Variants in GPC6 observed in about 807,000 individuals in gnomAD.
GPC6 encodes the protein glypican 6.
Under a neutral mutation model 55.2 loss-of-function variants are expected in GPC6, and 14 were observed. The ratio of observed to expected loss-of-function variants is 0.25; its 90% CI spans 0.17 to 0.40. The LOEUF is 0.40. GPC6 is among the 10% of genes least tolerant of loss of function. The pLI is 1.00. For missense variants in GPC6, 641 were observed against 708.5 expected, an observed-to-expected ratio of 0.90 and a Z score of 1.08; for synonymous variants, 278 against 259.6, an observed-to-expected ratio of 1.07 and a Z score of -0.68.
At chr13:93,726,103 TACAC>T (rs71811304) in intron 2 of GPC6, among the ~76,000 whole-genome samples, 33,442 of 126,376 alleles carry the variant, frequency 0.26, 4,045 homozygotes, top group Admixed American at 0.29. Flanking sequence ...TTTTCCTTCA[TACAC>T]ACACACACAC....
At chr13:93,612,500 AACACACACACACACACACAC>A (rs3138575) in intron 2 of GPC6, among the ~76,000 whole-genome samples, 3 of 139,366 alleles carry the variant, frequency 2.2e-5, no homozygotes, top group South Asian at 4.7e-4. Flanking sequence ...CTCCGTCTAA[AACACACACACACACACACAC>A]ACACACACAC....
intron 1 of GPC6, among the ~76,000 whole-genome samples, chr13:93,353,502 G>GT (rs1271338918): frequency 1.3e-5 from 2 of 152,212 alleles, no homozygotes; most frequent in African/African-American, 4.8e-5. Context: ...TGACTCATAT[G>GT]TTTCACCCAT....
intron 2 of GPC6, among the ~76,000 whole-genome samples, chr13:93,627,164 C>G (rs1359976703): frequency 1.3e-5 from 2 of 152,040 alleles, no homozygotes; most frequent in Non-Finnish European, 2.9e-5. Context: ...AGCCCCCACC[C>G]CCCAATAGGC....
intron 6 of GPC6, among the ~76,000 whole-genome samples, chr13:94,315,344 T>C (rs926924211): frequency 2.6e-5 from 4 of 152,236 alleles, no homozygotes; most frequent in African/African-American, 9.6e-5. Flanking sequence ...TTCTTGTATG[T>C]GCCAAGTGTT....
At chr13:94,159,811 G>C (rs1296394628) in intron 4 of GPC6, among the ~76,000 whole-genome samples, 1 of 152,156 alleles carries the variant, frequency 6.6e-6, no homozygotes, top group Admixed American at 6.5e-5. Flanking sequence ...ATATGTTCTA[G>C]GTCCTGTGAG....
intron 1 of GPC6, among the ~76,000 whole-genome samples, chr13:93,337,710 C>T (rs1430827877): frequency 1.3e-5 from 2 of 152,186 alleles, no homozygotes; most frequent in Non-Finnish European, 2.9e-5. Flanking sequence ...GAATGCCTGC[C>T]TTTCTGGTGG....
At position 93,342,120 on chromosome 13, in the gene GPC6, C is replaced by T. The variant is rs566805636; in HGVS notation, c.160+114504C>T. Reference sequence around the variant, plus strand: ...TCCTGACCTCGTGAATCACCCACCTCGGCCTCCCAAAGTGCTGAATACTTT... The same window carrying T: ...TCCTGACCTCGTGAATCACCCACCTTGGCCTCCCAAAGTGCTGAATACTTT... On this transcript the variant is annotated intron_variant, in intron 1 of 8. Transcript: ENST00000377047. Among the ~76,000 whole-genome samples, 187 of 152,046 alleles carry T rather than the reference C, an allele frequency of 1.2e-3. 1 individual carries two copies. Among genetic ancestry groups the T allele is most frequent in the Middle Eastern group, 0.01 (3 of 294 alleles).
chr13:93,986,802 C>T (rs1881051264), intron 3 of GPC6, among the ~76,000 whole-genome samples: 1 of 152,104 alleles, frequency 6.6e-6, no homozygotes, highest in South Asian at 2.1e-4. Flanking sequence ...TACAGTTGTG[C>T]ACATTTTGGG....
At chr13:93,418,903 C>T (rs1231323649) in intron 1 of GPC6, among the ~76,000 whole-genome samples, 1 of 150,544 alleles carries the variant, frequency 6.6e-6, no homozygotes, top group Admixed American at 6.6e-5. Context: ...TGGCACGATA[C>T]CATAGTATTA....
At chr13:94,394,006 G>A (rs2139222434) in intron 7 of GPC6, among the ~76,000 whole-genome samples, 1 of 152,230 alleles carries the variant, frequency 6.6e-6, no homozygotes, top group South Asian at 2.1e-4. Flanking sequence ...ATATCTCTCA[G>A]ATGACAAGAA....
chr13:94,337,349 T>G (rs1161486029), intron 6 of GPC6, among the ~76,000 whole-genome samples: 1 of 152,178 alleles, frequency 6.6e-6, no homozygotes, highest in Admixed American at 6.5e-5. Context: ...TTCATCTAAA[T>G]TCACAACCTG....
intron 2 of GPC6, among the ~76,000 whole-genome samples, chr13:93,736,224 A>G (rs547320482): frequency 6.6e-6 from 1 of 152,302 alleles, no homozygotes; most frequent in South Asian, 2.1e-4. Flanking sequence ...CTCTCTTGAA[A>G]CTAGAGATGT....
At chr13:93,771,356 G>A (rs970987690) in intron 2 of GPC6, among the ~76,000 whole-genome samples, 2 of 152,108 alleles carry the variant, frequency 1.3e-5, no homozygotes, top group Non-Finnish European at 1.5e-5. Flanking sequence ...ATACATGACT[G>A]TTTGTCTCAT....
At chr13:93,840,107 T>A (rs1249056996) in intron 3 of GPC6, among the ~76,000 whole-genome samples, 1 of 152,172 alleles carries the variant, frequency 6.6e-6, no homozygotes, top group Admixed American at 6.6e-5. Context: ...GTACTTTTTT[T>A]GTGGGTAATT....
chr13:94,177,859 A>T (rs1222702349), intron 4 of GPC6, among the ~76,000 whole-genome samples: 2 of 152,134 alleles, frequency 1.3e-5, no homozygotes, highest in African/African-American at 4.8e-5. Flanking sequence ...CAACTTAATC[A>T]TTGTCATCTT....
intron 7 of GPC6, among the ~76,000 whole-genome samples, chr13:94,396,362 T>C (rs1459400135): frequency 2.6e-5 from 4 of 152,206 alleles, no homozygotes; most frequent in African/African-American, 4.8e-5. Flanking sequence ...CTTTAACATG[T>C]ATTGAAGTTT....
At chr13:93,346,831 T>G (rs1334727594) in intron 1 of GPC6, among the ~76,000 whole-genome samples, 1 of 152,208 alleles carries the variant, frequency 6.6e-6, no homozygotes, top group East Asian at 1.9e-4. Context: ...TTTTGGATAG[T>G]GTATAGCATT....
chr13:93,676,609 A>G (rs557799652), intron 2 of GPC6, among the ~76,000 whole-genome samples: 2 of 152,200 alleles, frequency 1.3e-5, no homozygotes, highest in East Asian at 3.9e-4. Context: ...CCAGTAGATG[A>G]TAAACTTCAT....
At chr13:94,056,388 A>T (rs867769199) in intron 4 of GPC6, among the ~76,000 whole-genome samples, 1 of 152,208 alleles carries the variant, frequency 6.6e-6, no homozygotes, top group Non-Finnish European at 1.5e-5. Context: ...TTACTCAAGG[A>T]TTAATTAAAC....
Sources: allele counts gnomAD v4.1 joint callset (sites outside exome capture counted in the v4.1 genomes callset), GRCh38; gene constraint gnomAD v4.1.1; transcripts MANE v1.5; gene names NCBI Gene and HGNC (gene_info 2026-07-23, HGNC 2026-07-21).